B3GAT1: variants seen among roughly 807,000 people sequenced by gnomAD.
B3GAT1 encodes galactosylgalactosylxylosylprotein 3-beta-glucuronosyltransferase 1.
B3GAT1 carries 11 observed loss-of-function variants against 28.4 expected under a neutral mutation model. That is an observed-to-expected ratio of 0.39 (90% CI 0.24 to 0.64). The LOEUF (loss-of-function observed/expected upper bound fraction) is 0.64. Ranked by LOEUF, B3GAT1 falls within the 30% of genes least tolerant of loss-of-function variation. B3GAT1 has a pLI of 0.50. For missense variants in B3GAT1, 375 were observed against 491.0 expected (o/e 0.76, Z 2.23); for synonymous variants, 255 against 223.1 (o/e 1.14, Z -1.27).
At chr11:134,409,439 A>C (rs1944808123) in intron 1 of B3GAT1, among the ~76,000 whole-genome samples, 1 of 152,174 alleles carries the variant, frequency 6.6e-6, no homozygotes, top group African/African-American at 2.4e-5. Context: ...CAGAAGATGG[A>C]GAGGAGCCCT....
chr11:134,398,990 T>TTCTC (rs1401698425), intron 1 of B3GAT1, among the ~76,000 whole-genome samples: 3 of 152,082 alleles, frequency 2.0e-5, no homozygotes, highest in Admixed American at 2.0e-4. Context: ...GGGTGGTGGG[T>TTCTC]TCTCCAACCA....
At chr11:134,385,571 G>A (rs563027993) in intron 2 of B3GAT1, 5 of 150,276 alleles carry the variant, frequency 3.3e-5, no homozygotes, top group African/African-American at 1.3e-4. Flanking sequence ...GGGTGTCTAG[G>A]GTTCTGACCT....
chr11:134,410,897 C>G (rs1272241728), intron 1 of B3GAT1, among the ~76,000 whole-genome samples: 9 of 152,252 alleles, frequency 5.9e-5, no homozygotes, highest in Admixed American at 5.9e-4. Context: ...TATGCAGGTG[C>G]CCATGCACTG....
At chr11:134,386,777 C>T (rs1240799727) in intron 2 of B3GAT1, 2 of 152,166 alleles carry the variant, frequency 1.3e-5, no homozygotes, top group Non-Finnish European at 2.9e-5. Context: ...ACATGCGTGT[C>T]TTTCTGTGTA....
chr11:134,391,080 A>T (rs1377989571), intron 1 of B3GAT1: 1 of 152,218 alleles, frequency 6.6e-6, no homozygotes, highest in African/African-American at 2.4e-5. Flanking sequence ...TTTTGGTCAA[A>T]ACATCTATGA....
chr11:134,387,640 A>G lies in B3GAT1; in HGVS notation c.20T>C (p.Ile7Thr). The G allele has an allele frequency of 6.2e-7, 1 of 1,614,096 alleles. No homozygotes were observed. The highest frequency in any genetic ancestry group is 8.5e-7 in the Non-Finnish European group (1 of 1,180,012). MPKRRD[I>T]LAIVLIVLPW... ...CAGCACGATGAGGACGATCGCTAGG[A>G]TGTCCCGTCTCTTCGGCATCTCCAA... Residue 7 changes from isoleucine (I) to threonine (T), a missense_variant, in exon 2 of 6, where the codon ATC becomes ACC. Physicochemically the swap from Ile to Thr is moderately conservative, Grantham distance 89. Transcript: ENST00000312527.
chr11:134,392,726 G>T (rs1452333499), intron 1 of B3GAT1, among the ~76,000 whole-genome samples: 1 of 152,078 alleles, frequency 6.6e-6, no homozygotes, highest in Non-Finnish European at 1.5e-5. Context: ...AGGACTAGGG[G>T]GTGTCTGGGA....
At position 134,393,774 on chromosome 11, in the gene B3GAT1, G is replaced by A. The variant is rs1020565101; in HGVS notation, c.-281-5834C>T. 2.0e-5 allele frequency among the ~76,000 whole-genome samples: 3 copies of A among 152,144 alleles called. No individual in the cohort carries two copies. The highest frequency in any genetic ancestry group is 1.9e-4 in the East Asian group (1 of 5,184). On this transcript the variant is annotated intron_variant, in intron 1 of 5. Transcript: ENST00000312527. This position sits in a 1 kb window ranked among gnomAD's most constrained non-coding sequence, Gnocchi z 4.0. ...GAGGGAGCCCCAGGCATCACACGGC[G>A]CCGGTCAGTGTGCTGTGCGGACCGG...
At chr11:134,383,117 C>G (rs1944174647) in intron 3 of B3GAT1, 111 bp from the exon 4 acceptor site, 4 of 1,226,850 alleles carry the variant, frequency 3.3e-6, no homozygotes, top group Non-Finnish European at 4.4e-6. Context: ...CCATGGCCAG[C>G]CGCGGCCACC....
chr11:134,409,906 C>T (rs1944819370), intron 1 of B3GAT1: 1 of 152,426 alleles, frequency 6.6e-6, no homozygotes, highest in African/African-American at 2.4e-5. Flanking sequence ...CCCTCTCTTC[C>T]AGAAACAATG....
intron 2 of B3GAT1, chr11:134,385,820 T>C (rs1313263559): frequency 6.6e-6 from 1 of 152,192 alleles, no homozygotes; most frequent in East Asian, 1.9e-4. Flanking sequence ...GGCCTCCTGG[T>C]GACCCTAACT....
intron 4 of B3GAT1, 97 bp from the exon 5 acceptor site, chr11:134,382,121 C>T (rs2136300375): frequency 2.1e-6 from 2 of 944,196 alleles, no homozygotes; most frequent in East Asian, 2.5e-5. Flanking sequence ...ATTTCTCCTG[C>T]CCCTCCTTTT....
chr11:134,395,066 T>A (rs975509952), intron 1 of B3GAT1, among the ~76,000 whole-genome samples: 36 of 152,312 alleles, frequency 2.4e-4, no homozygotes, highest in African/African-American at 8.2e-4. Context: ...GTCACTGAAG[T>A]TCCCTGAATC....
chr11:134,397,534 A>G (rs114206447), intron 1 of B3GAT1, among the ~76,000 whole-genome samples: 8,297 of 150,304 alleles, frequency 0.055, 449 homozygotes, highest in African/African-American at 0.14. Flanking sequence ...CCAGAGCCAC[A>G]GGGGGGGCCA....
At chr11:134,400,348 G>A (rs1944588384) in intron 1 of B3GAT1, among the ~76,000 whole-genome samples, 1 of 152,170 alleles carries the variant, frequency 6.6e-6, no homozygotes, top group African/African-American at 2.4e-5. Context: ...CCCAAAGCAG[G>A]AGCTATGCCA....
chr11:134,390,739 C>G (rs145535984), intron 1 of B3GAT1: 317 of 152,406 alleles, frequency 2.1e-3, no homozygotes, highest in African/African-American at 7.4e-3. Flanking sequence ...GAGTAACTTG[C>G]CTGAGGTCAA....
At chr11:134,405,045 GGATGAGGGAA>G (rs1944703941) in intron 1 of B3GAT1, among the ~76,000 whole-genome samples, 1 of 152,170 alleles carries the variant, frequency 6.6e-6, no homozygotes, top group South Asian at 2.1e-4. Context: ...TGTGGTCTGT[GGATGAGGGAA>G]GAGGAGGGAA....
At chr11:134,404,813 G>A (rs773714511) in intron 1 of B3GAT1, among the ~76,000 whole-genome samples, 2 of 152,218 alleles carry the variant, frequency 1.3e-5, no homozygotes, top group East Asian at 1.9e-4. Flanking sequence ...AGCTAATATC[G>A]ACAGGCGATG....
chr11:134,403,164 G>A (rs1337565696), intron 1 of B3GAT1, among the ~76,000 whole-genome samples: 1 of 152,134 alleles, frequency 6.6e-6, no homozygotes, highest in East Asian at 1.9e-4. Context: ...TGTAGCCCAA[G>A]GCACAGGCTC....
Sources: allele counts gnomAD v4.1 joint callset (sites outside exome capture counted in the v4.1 genomes callset), GRCh38; gene constraint gnomAD v4.1.1; non-coding constraint Gnocchi (gnomAD v3.1); transcripts MANE v1.5; gene names NCBI Gene and HGNC (gene_info 2026-07-23, HGNC 2026-07-21).